TTC7B: variants seen among roughly 807,000 people sequenced by gnomAD.
TTC7B encodes tetratricopeptide repeat domain 7B.
TTC7B carries 28 observed loss-of-function variants against 106.8 expected under a neutral mutation model. The ratio of observed to expected loss-of-function variants is 0.26; its 90% CI spans 0.19 to 0.36. TTC7B has a LOEUF of 0.36. TTC7B is among the 10% of genes least tolerant of loss of function. The probability of loss-of-function intolerance (pLI) is 1.00; values close to 1 mark genes in which losing one functional copy is unlikely to be tolerated. For synonymous variants in TTC7B, 405 were observed against 430.6 expected (o/e 0.94, Z 0.74); for missense variants, 862 against 1,076.4 (o/e 0.80, Z 2.79).
Position 90,608,111 on chromosome 14 carries a change from T to C in TTC7B, c.1966+2631A>G, listed in dbSNP as rs1177727147. Among the ~76,000 whole-genome samples the C allele has an allele frequency of 4.6e-5, 7 of 152,182 alleles. No homozygotes were observed. Among genetic ancestry groups the C allele is most frequent in the Non-Finnish European group, 1.5e-5 (1 of 68,040 alleles). On this transcript the variant is annotated intron_variant, in intron 17 of 19. Coordinates refer to ENST00000328459, the MANE Select transcript of TTC7B (RefSeq NM_001010854.2). The surrounding 1 kb of genome is among the most constrained non-coding windows in gnomAD (Gnocchi z 5.1). ...GCAAGGCGGGCTCTCCACACAGGTG[T>C]GTGAATGACAGCATCTGCCCCTTCT...
intron 15 of TTC7B, among the ~76,000 whole-genome samples, chr14:90,636,835 A>G (rs1376936773): frequency 1.3e-5 from 2 of 152,026 alleles, no homozygotes; most frequent in Non-Finnish European, 2.9e-5. Context: ...TTAGAATTAT[A>G]CAATAATAAA....
intron 17 of TTC7B, among the ~76,000 whole-genome samples, chr14:90,601,158 T>G (rs1310530360): frequency 1.3e-5 from 2 of 151,990 alleles, no homozygotes; most frequent in Non-Finnish European, 2.9e-5. Context: ...TTAATTAAAA[T>G]AGCAAAAAAA....
intron 1 of TTC7B, among the ~76,000 whole-genome samples, chr14:90,806,112 C>G (rs891122855): frequency 6.6e-6 from 1 of 152,248 alleles, no homozygotes; most frequent in African/African-American, 2.4e-5. Flanking sequence ...GACACTGTTA[C>G]TGGTGGTTGG....
At chr14:90,559,367 G>A (rs948306473) in intron 19 of TTC7B, among the ~76,000 whole-genome samples, 2 of 152,244 alleles carry the variant, frequency 1.3e-5, no homozygotes, top group African/African-American at 4.8e-5. Flanking sequence ...GAGTCTTTGC[G>A]AATGCAGTGG....
In TTC7B at chr14:90,807,355, C is replaced by T. The variant is rs1230942421; in HGVS notation, c.121+8820G>A. Among the ~76,000 whole-genome samples the T allele has an allele frequency of 6.6e-6, 1 of 152,144 alleles. No individual in the cohort carries two copies. The highest frequency in any genetic ancestry group is 6.5e-5 in the Admixed American group (1 of 15,278). On this transcript the variant is annotated intron_variant, in intron 1 of 19. Coordinates refer to ENST00000328459, the MANE Select transcript of TTC7B (RefSeq NM_001010854.2). This position sits in a 1 kb window ranked among gnomAD's most constrained non-coding sequence, Gnocchi z 4.1. ...ACAGGGTCACATTCTGTCTCCCACT[C>T]GGACAACCACGTCTAAAGTCTGGTC...
intron 15 of TTC7B, among the ~76,000 whole-genome samples, chr14:90,632,702 T>C (rs1884754533): frequency 1.3e-5 from 2 of 152,248 alleles, no homozygotes; most frequent in African/African-American, 2.4e-5. Flanking sequence ...CGAGGCCAGA[T>C]TGCCTGGGTT....
chr14:90,546,372 C>T (rs1024265751), intron 19 of TTC7B, among the ~76,000 whole-genome samples: 24 of 152,236 alleles, frequency 1.6e-4, no homozygotes, highest in African/African-American at 5.8e-4. Context: ...CTCTCTCCTC[C>T]GGAGATCAAA....
chr14:90,607,928 T>C (rs897678259), intron 17 of TTC7B, among the ~76,000 whole-genome samples: 22 of 152,358 alleles, frequency 1.4e-4, no homozygotes, highest in Admixed American at 3.3e-4. Flanking sequence ...TAAATACAGT[T>C]ATTTTTAGGA....
chr14:90,797,507 T>C (rs960688687), intron 1 of TTC7B, among the ~76,000 whole-genome samples: 3 of 151,300 alleles, frequency 2.0e-5, no homozygotes, highest in Admixed American at 6.6e-5. Context: ...GCTCCTCGTT[T>C]ACTGGGCTTC....
chr14:90,618,537 A>T (rs1450135079), intron 15 of TTC7B, among the ~76,000 whole-genome samples: 1 of 152,230 alleles, frequency 6.6e-6, no homozygotes, highest in African/African-American at 2.4e-5. Flanking sequence ...AGCCTCCGGC[A>T]TAGGCCCTCA....
intron 2 of TTC7B, among the ~76,000 whole-genome samples, chr14:90,784,130 G>A (rs535949637): frequency 1.3e-5 from 2 of 151,692 alleles, no homozygotes; most frequent in South Asian, 4.2e-4. Flanking sequence ...AGTCTGGCTG[G>A]CCATCACTGT....
At chr14:90,734,741 T>C (rs1333630020) in intron 4 of TTC7B, among the ~76,000 whole-genome samples, 1 of 152,040 alleles carries the variant, frequency 6.6e-6, no homozygotes, top group Non-Finnish European at 1.5e-5. Context: ...GCTAAGGACC[T>C]GTGTCCTCAT....
chr14:90,712,891 A>G (rs1469443148), intron 5 of TTC7B, among the ~76,000 whole-genome samples: 9 of 152,178 alleles, frequency 5.9e-5, no homozygotes, highest in Admixed American at 5.9e-4. Context: ...TACTATATTC[A>G]AGACAGTGTG....
chr14:90,726,613 C>T (rs1889113249), intron 5 of TTC7B, among the ~76,000 whole-genome samples: 1 of 152,222 alleles, frequency 6.6e-6, no homozygotes, highest in South Asian at 2.1e-4. Context: ...CTCCTCACTA[C>T]TGCTCTCCGA....
intron 4 of TTC7B, among the ~76,000 whole-genome samples, chr14:90,736,327 C>T (rs1388698151): frequency 6.6e-6 from 1 of 152,026 alleles, no homozygotes; most frequent in Non-Finnish European, 1.5e-5. Context: ...AATCACAGCA[C>T]TTTGGGAGGC....
Position 90,676,564 on chromosome 14 carries a change from T to C in TTC7B, c.1111A>G (p.Ile371Val). Residue 371 changes from isoleucine (I) to valine (V), a missense_variant, in exon 9 of 20, where the codon ATT becomes GTT. Physicochemically the swap from Ile to Val is conservative, Grantham distance 29 (BLOSUM62 3). Transcript: ENST00000328459. Reference sequence around the variant, plus strand: ...TACTGGCCTCTTCTTCCAAGAGCAATGGTGAGTAAGTCATAGACCACAGAT... The same window carrying C: ...TACTGGCCTCTTCTTCCAAGAGCAACGGTGAGTAAGTCATAGACCACAGAT... ...SASVVYDLLT[I>V]ALGRRGQYEM... 6.2e-7 allele frequency: 1 copy of C among 1,614,066 alleles called. No homozygotes were observed. The highest frequency in any genetic ancestry group is 1.7e-5 in the Admixed American group (1 of 60,020).
At chr14:90,664,859 G>T (rs1255901517) in intron 9 of TTC7B, among the ~76,000 whole-genome samples, 2 of 152,198 alleles carry the variant, frequency 1.3e-5, no homozygotes, top group Non-Finnish European at 2.9e-5. Flanking sequence ...GGCCCACAAT[G>T]AAGGCTATCA....
chr14:90,604,060 C>T (rs1296489839), intron 17 of TTC7B, among the ~76,000 whole-genome samples: 2 of 152,170 alleles, frequency 1.3e-5, no homozygotes, highest in African/African-American at 4.8e-5. Context: ...AAAGTGCCTC[C>T]CCTGAAGAGT....
At chr14:90,646,872 C>A (rs1885479013) in intron 14 of TTC7B, 79 bp downstream of exon 14, 1 of 1,283,238 alleles carries the variant, frequency 7.8e-7, no homozygotes, top group East Asian at 2.3e-5. Flanking sequence ...AGATCACCTA[C>A]CACTTCAAAC....
Sources: gnomAD v4.1 joint callset for allele counts (sites outside exome capture counted in the v4.1 genomes callset) on GRCh38, gnomAD v4.1.1 for gene constraint, Gnocchi (gnomAD v3.1) non-coding constraint, MANE v1.5 for transcripts, NCBI Gene and HGNC (gene_info 2026-07-23, HGNC 2026-07-21) for gene names.